The following KIAA1328 variants were observed in gnomAD, a reference collection of about 807,000 sequenced individuals.
The protein encoded by KIAA1328 is KIAA1328, also known as protein hinderin.
KIAA1328 carries 52 observed loss-of-function variants against 68.1 expected under a neutral mutation model. That is an observed-to-expected ratio of 0.76 (90% confidence interval 0.61 to 0.96). The LOEUF (loss-of-function observed/expected upper bound fraction) is 0.96, where lower values mean the gene tolerates loss of function less well. Among genes scored for constraint, KIAA1328 ranks in the 40% least tolerant of loss-of-function variants. The pLI is 0.00. For missense variants in KIAA1328, 641 were observed against 677.6 expected (o/e 0.95, Z 0.60); for synonymous variants, 232 against 239.4 (o/e 0.97, Z 0.28).
chr18:37,066,471 C>T (rs904414976), intron 6 of KIAA1328, among the ~76,000 whole-genome samples: 6 of 152,004 alleles, frequency 3.9e-5, no homozygotes, highest in Non-Finnish European at 8.8e-5. Context: ...CATCAAGTCT[C>T]ATGCTGTGTA....
At chr18:36,904,730 A>G (rs1388567896) in intron 5 of KIAA1328, among the ~76,000 whole-genome samples, 1 of 152,020 alleles carries the variant, frequency 6.6e-6, no homozygotes, top group Non-Finnish European at 1.5e-5. Context: ...TTGATTCTTG[A>G]TACAGTTAGG....
At chr18:36,902,386 T>C (rs1314496913) in intron 5 of KIAA1328, 1 of 152,086 alleles carries the variant, frequency 6.6e-6, no homozygotes, top group Non-Finnish European at 1.5e-5. Context: ...AAGTTTAACA[T>C]TTAAATGAAA....
chr18:37,096,535 CAT>C (rs1355195086), intron 7 of KIAA1328, among the ~76,000 whole-genome samples: 1 of 152,188 alleles, frequency 6.6e-6, no homozygotes, highest in African/African-American at 2.4e-5. Flanking sequence ...CCACAATAAA[CAT>C]ATGTGTGCAT....
intron 7 of KIAA1328, among the ~76,000 whole-genome samples, chr18:37,085,059 A>G (rs1404383741): frequency 1.3e-5 from 2 of 152,100 alleles, no homozygotes; most frequent in African/African-American, 2.4e-5. Context: ...AGGGATGCCA[A>G]TCTAGACTGG....
intron 3 of KIAA1328, among the ~76,000 whole-genome samples, chr18:36,841,868 A>G (rs1169552534): frequency 1.3e-5 from 2 of 152,148 alleles, no homozygotes; most frequent in Admixed American, 6.5e-5. Context: ...ATGAGCTCAT[A>G]TCCATTTGTA....
chr18:37,192,280 C>A (rs1265225101), intron 9 of KIAA1328, among the ~76,000 whole-genome samples: 1 of 151,860 alleles, frequency 6.6e-6, no homozygotes, highest in Non-Finnish European at 1.5e-5. Context: ...GTCCATCTAT[C>A]CATATTGTCT....
chr18:37,150,257 G>A (rs2058998882), intron 7 of KIAA1328, among the ~76,000 whole-genome samples: 1 of 152,094 alleles, frequency 6.6e-6, no homozygotes, highest in Non-Finnish European at 1.5e-5. Context: ...TACTATTGAT[G>A]TTTCAATGAG....
At chr18:37,112,837 A>G (rs922844441) in intron 7 of KIAA1328, among the ~76,000 whole-genome samples, 24 of 152,230 alleles carry the variant, frequency 1.6e-4, no homozygotes, top group Middle Eastern at 3.2e-3. Context: ...GCTGAAAACC[A>G]TGGCACAAAC....
Position 36,959,390 on chromosome 18 carries a change from C to A in KIAA1328, c.531C>A (p.Thr177=). 6.2e-7 allele frequency: 1 copy of A among 1,609,452 alleles called. No individual in the cohort carries two copies. The highest frequency in any genetic ancestry group is 8.5e-7 in the Non-Finnish European group (1 of 1,178,060). The change falls in exon 6 of 10, where the codon ACC becomes ACA. Residue 177 remains threonine (T), a synonymous_variant. Transcript: ENST00000280020. ...TATCAGAACAACAGGAGAAGCTCAC[C>A]ATGTCTCTCTCAGAACTTGGTGCTG... ...KYLSEQQEKL[T]MSLSELGAAR... is the part of the protein sequence containing the mutation.
In KIAA1328 at chr18:37,222,077, T is replaced by C; in HGVS notation, c.1584T>C (p.Pro528=). 6.2e-7 allele frequency: 1 copy of C among 1,613,722 alleles called. No homozygotes were observed. Among genetic ancestry groups the C allele is most frequent in the Non-Finnish European group, 8.5e-7 (1 of 1,179,798 alleles). ...QSLSPNSAPK[P]QRYPSREAGA... ...TGAGCCCAAACTCTGCGCCCAAACC[T>C]CAGCGCTATCCCTCCAGAGAAGCTG... is the stretch of plus-strand genomic sequence containing the variant. Residue 528 remains proline, a synonymous_variant, in exon 10 of 10, where the codon CCT becomes CCC. Transcript: ENST00000280020.
At chr18:37,165,931 G>C (rs1236394127) in intron 8 of KIAA1328, among the ~76,000 whole-genome samples, 1 of 151,606 alleles carries the variant, frequency 6.6e-6, no homozygotes, top group African/African-American at 2.4e-5. Flanking sequence ...ATAAAGGGGT[G>C]TTGAATTTCA....
chr18:36,887,799 T>G (rs151157620), intron 5 of KIAA1328, among the ~76,000 whole-genome samples: 1 of 152,140 alleles, frequency 6.6e-6, no homozygotes, highest in African/African-American at 2.4e-5. Context: ...ATTCACTCTT[T>G]GTATGGAGAG....
chr18:36,959,510 C>T (rs1050277620), intron 6 of KIAA1328, 75 bp downstream of exon 6: 4 of 1,439,122 alleles, frequency 2.8e-6, no homozygotes, highest in Non-Finnish European at 3.8e-6. Flanking sequence ...TGTTTTTTAT[C>T]TTAATTTCCT....
intron 7 of KIAA1328, among the ~76,000 whole-genome samples, chr18:37,100,089 A>G (rs1412971082): frequency 6.6e-6 from 1 of 152,152 alleles, no homozygotes; most frequent in East Asian, 1.9e-4. Context: ...AGCTCCCAGC[A>G]TGAGCGATGC....
intron 6 of KIAA1328, among the ~76,000 whole-genome samples, chr18:37,065,295 A>C (rs2056303880): frequency 6.6e-6 from 1 of 152,214 alleles, no homozygotes; most frequent in Non-Finnish European, 1.5e-5. Flanking sequence ...AGGAAGTGTT[A>C]GTGGAAGCTG....
intron 7 of KIAA1328, among the ~76,000 whole-genome samples, chr18:37,098,569 C>G (rs971967801): frequency 1.3e-5 from 2 of 152,076 alleles, no homozygotes; most frequent in Non-Finnish European, 2.9e-5. Flanking sequence ...GCTTTGGTAC[C>G]AGGATGATCC....
At chr18:36,885,332 A>G (rs937974024) in intron 4 of KIAA1328, among the ~76,000 whole-genome samples, 2 of 152,184 alleles carry the variant, frequency 1.3e-5, no homozygotes, top group African/African-American at 4.8e-5. Flanking sequence ...CTGATGATTG[A>G]AAACATTTTT....
intron 3 of KIAA1328, among the ~76,000 whole-genome samples, chr18:36,836,875 G>T (rs1021972286): frequency 6.6e-6 from 1 of 152,004 alleles, no homozygotes; most frequent in Admixed American, 6.6e-5. Flanking sequence ...CATATAAAAG[G>T]AAATCACATA....
chr18:37,160,820 C>T (rs1478891178), intron 8 of KIAA1328, among the ~76,000 whole-genome samples: 1 of 152,130 alleles, frequency 6.6e-6, no homozygotes, highest in East Asian at 1.9e-4. Flanking sequence ...TAAAGCAAAA[C>T]CTCACAAGTC....
Sources: allele counts gnomAD v4.1 joint callset (sites outside exome capture counted in the v4.1 genomes callset), GRCh38; gene constraint gnomAD v4.1.1; transcripts MANE v1.5; gene names NCBI Gene and HGNC (gene_info 2026-07-23, HGNC 2026-07-21).